NCKAP5: variants seen among roughly 807,000 people sequenced by gnomAD.
The protein encoded by NCKAP5 is nck-associated protein 5.
Under a neutral mutation model 167.0 loss-of-function variants are expected in NCKAP5, and 92 were observed. That is an observed-to-expected ratio of 0.55 (90% CI 0.47 to 0.66). NCKAP5 has a LOEUF of 0.66. Among genes scored for constraint, NCKAP5 ranks in the 30% least tolerant of loss-of-function variants. The pLI is 0.00. For synonymous variants in NCKAP5, 891 were observed against 877.4 expected (o/e 1.02, Z -0.27); for missense variants, 2,378 against 2,315.0 (o/e 1.03, Z -0.56).
intron 1 of NCKAP5, among the ~76,000 whole-genome samples, chr2:133,559,692 T>C (rs1688022319): frequency 6.6e-6 from 1 of 152,140 alleles, no homozygotes; most frequent in Non-Finnish European, 1.5e-5. Flanking sequence ...CCAAAGTCAG[T>C]AGAGTTCAGA....
At chr2:132,859,320 T>A (rs1225220507) in intron 11 of NCKAP5, among the ~76,000 whole-genome samples, 1 of 152,190 alleles carries the variant, frequency 6.6e-6, no homozygotes, top group East Asian at 1.9e-4. Context: ...TTCCCGTTAT[T>A]TCTCTGAGGA....
At chr2:133,072,081 C>T (rs77634344) in intron 6 of NCKAP5, among the ~76,000 whole-genome samples, 7 of 145,046 alleles carry the variant, frequency 4.8e-5, no homozygotes, top group African/African-American at 1.8e-4. Flanking sequence ...TTTATCCAGG[C>T]TTTTTTTTTT....
chr2:133,661,740 C>G, the NCKAP5 span, among the ~76,000 whole-genome samples: 1 of 152,204 alleles, frequency 6.6e-6, no homozygotes. Context: ...ACCATCCCCC[C>G]ATACCCAAGC....
intron 3 of NCKAP5, among the ~76,000 whole-genome samples, chr2:133,379,637 C>G (rs1686381960): frequency 6.6e-6 from 1 of 152,162 alleles, no homozygotes; most frequent in Admixed American, 6.5e-5. Flanking sequence ...ACTTTTCTGT[C>G]CCTTAGTTCC....
intron 3 of NCKAP5, among the ~76,000 whole-genome samples, chr2:133,352,665 G>A (rs989750368): frequency 6.6e-6 from 1 of 152,184 alleles, no homozygotes; most frequent in Non-Finnish European, 1.5e-5. Flanking sequence ...ACTGAGGGCT[G>A]AGCAGGTACA....
At chr2:133,560,716 C>G (rs755442783) in intron 1 of NCKAP5, among the ~76,000 whole-genome samples, 2 of 152,202 alleles carry the variant, frequency 1.3e-5, no homozygotes, top group Non-Finnish European at 2.9e-5. Flanking sequence ...ACGCTCTCAG[C>G]TCTCGGAGTC....
At chr2:133,114,066 G>A (rs746258901) in intron 6 of NCKAP5, among the ~76,000 whole-genome samples, 15 of 152,150 alleles carry the variant, frequency 9.9e-5, no homozygotes, top group South Asian at 2.1e-4. Flanking sequence ...ATTTAGACCC[G>A]TAGAATGTGG....
intron 4 of NCKAP5, among the ~76,000 whole-genome samples, chr2:133,247,771 C>T (rs1033605068): frequency 1.3e-5 from 2 of 152,204 alleles, no homozygotes; most frequent in African/African-American, 4.8e-5. Flanking sequence ...ATAGGTTAGC[C>T]TTTCTCCATG....
intron 4 of NCKAP5, among the ~76,000 whole-genome samples, chr2:133,290,970 C>T (rs1030379077): frequency 6.6e-6 from 1 of 152,038 alleles, no homozygotes; most frequent in Non-Finnish European, 1.5e-5. Flanking sequence ...GACTGCCCAC[C>T]TCTGTCTCCC....
At chr2:133,648,702 G>A in the NCKAP5 span, among the ~76,000 whole-genome samples, 1 of 151,588 alleles carries the variant, frequency 6.6e-6, no homozygotes, top group Admixed American at 6.6e-5. Flanking sequence ...CAAGACAAAT[G>A]AAAACACACA....
intron 3 of NCKAP5, among the ~76,000 whole-genome samples, chr2:133,467,743 G>C (rs912381873): frequency 6.8e-6 from 1 of 146,408 alleles, no homozygotes; most frequent in Non-Finnish European, 1.5e-5. Flanking sequence ...TCTTGGGAGA[G>C]TGTATGTGTC....
chr2:132,781,696 C>A (rs1161147102), intron 14 of NCKAP5, among the ~76,000 whole-genome samples: 1 of 152,116 alleles, frequency 6.6e-6, no homozygotes, highest in Non-Finnish European at 1.5e-5. Flanking sequence ...TAAAACTTAC[C>A]ATTCTTTAAT....
At chr2:133,459,052 C>A (rs1692032656) in intron 3 of NCKAP5, among the ~76,000 whole-genome samples, 1 of 152,150 alleles carries the variant, frequency 6.6e-6, no homozygotes, top group Non-Finnish European at 1.5e-5. Context: ...TTTACCTGAA[C>A]TCTCTGCAGT....
At chr2:132,674,035 T>C (rs888632907) in intron 19 of NCKAP5, among the ~76,000 whole-genome samples, 3 of 152,188 alleles carry the variant, frequency 2.0e-5, no homozygotes, top group African/African-American at 7.2e-5. Context: ...CCTGTAAACA[T>C]GAATATATTC....
At chr2:132,934,199 C>G (rs150390767) in intron 8 of NCKAP5, among the ~76,000 whole-genome samples, 1 of 152,150 alleles carries the variant, frequency 6.6e-6, no homozygotes, top group Non-Finnish European at 1.5e-5. Context: ...AAAATAGATA[C>G]GTGTGCAGCC....
intron 3 of NCKAP5, among the ~76,000 whole-genome samples, chr2:133,317,605 A>G (rs1363654784): frequency 6.6e-6 from 1 of 152,126 alleles, no homozygotes; most frequent in East Asian, 1.9e-4. Context: ...CAAGGCTGCC[A>G]ACTCAGAGGG....
In NCKAP5 at chr2:133,528,973, G is replaced by A. The variant is rs1288856789; in HGVS notation, c.-61-11386C>T. 2.6e-5 allele frequency among the ~76,000 whole-genome samples: 4 copies of A among 152,204 alleles called. No homozygotes were observed. The East Asian group carries it at 5.8e-4, about 22-fold the overall frequency. On this transcript the variant is annotated intron_variant, in intron 2 of 19. Transcript: ENST00000409261. ...TTGTCTCTTGGATTTTCACCTACTA[G>A]CCATAGCTCTGTTCCCTAGAGCAAA...
chr2:133,010,716 A>T (rs137984854), intron 6 of NCKAP5, among the ~76,000 whole-genome samples: 1 of 152,350 alleles, frequency 6.6e-6, no homozygotes, highest in East Asian at 1.9e-4. Flanking sequence ...TTGACATTAA[A>T]CAATAGTCAA....
At chr2:132,774,377 A>G (rs1682363299) in intron 15 of NCKAP5, among the ~76,000 whole-genome samples, 1 of 152,234 alleles carries the variant, frequency 6.6e-6, no homozygotes. Context: ...CCTGGAATGT[A>G]ACTTAAGAAG....
Sources: gnomAD v4.1 joint callset for allele counts (sites outside exome capture counted in the v4.1 genomes callset) on GRCh38, gnomAD v4.1.1 for gene constraint, MANE v1.5 for transcripts, NCBI Gene and HGNC (gene_info 2026-07-23, HGNC 2026-07-21) for gene names.